SAMD4A: variants seen among roughly 807,000 people sequenced by gnomAD.
The protein encoded by SAMD4A is protein Smaug homolog 1.
Under a neutral mutation model 81.3 loss-of-function variants are expected in SAMD4A, and 33 were observed. The observed-to-expected ratio is 0.41, with a 90% CI of 0.31 to 0.54. SAMD4A has a LOEUF of 0.54. Among genes scored for constraint, SAMD4A ranks in the 20% least tolerant of loss-of-function variants. The pLI is 0.37. For missense variants in SAMD4A, 854 were observed against 951.1 expected (o/e 0.90, Z 1.34); for synonymous variants, 389 against 382.1 (o/e 1.02, Z -0.21).
intron 4 of SAMD4A, among the ~76,000 whole-genome samples, chr14:54,743,485 G>A (rs1468438947): frequency 2.0e-5 from 3 of 152,300 alleles, no homozygotes; most frequent in Admixed American, 1.3e-4. Context: ...TACCAAGCAT[G>A]TATTTTCCTC....
intron 2 of SAMD4A, among the ~76,000 whole-genome samples, chr14:54,639,189 G>C (rs2035107382): frequency 6.6e-6 from 1 of 152,166 alleles, no homozygotes; most frequent in Admixed American, 6.5e-5. Flanking sequence ...ACAGAGTTAT[G>C]TCAGAATCCA....
intron 4 of SAMD4A, among the ~76,000 whole-genome samples, chr14:54,742,526 C>A (rs1009751601): frequency 1.3e-5 from 2 of 152,180 alleles, no homozygotes; most frequent in Non-Finnish European, 2.9e-5. Context: ...AAGCCAAGTT[C>A]ATCTGAGGGA....
At position 54,704,076 on chromosome 14, in the gene SAMD4A, T is replaced by A. The variant is rs80134663; in HGVS notation, c.715+1496T>A. Reference sequence around the variant, plus strand: ...ATATTGCTACAACATGGGATTTTTTTAAATTCTTTTTTCTGCTTTTCCATT... The same window carrying A: ...ATATTGCTACAACATGGGATTTTTTAAAATTCTTTTTTCTGCTTTTCCATT... On this transcript the variant is annotated intron_variant, in intron 3 of 12. Transcript: ENST00000554335. Among the ~76,000 whole-genome samples the A allele has an allele frequency of 3.9e-3, 597 of 152,340 alleles. 1 individual carries two copies. Among genetic ancestry groups the A allele is most frequent in the Middle Eastern group, 0.01 (3 of 294 alleles).
chr14:54,660,136 G>A (rs1298335449), intron 2 of SAMD4A, among the ~76,000 whole-genome samples: 1 of 151,808 alleles, frequency 6.6e-6, no homozygotes. Context: ...TCAGGGGTTT[G>A]GTGTATCTAA....
At chr14:54,624,721 AGT>A (rs746828098) in intron 2 of SAMD4A, among the ~76,000 whole-genome samples, 3 of 152,242 alleles carry the variant, frequency 2.0e-5, no homozygotes, top group African/African-American at 2.4e-5. Context: ...TACTAAATTC[AGT>A]TGGTGAGCAC....
intron 3 of SAMD4A, among the ~76,000 whole-genome samples, chr14:54,721,167 A>C (rs943777143): frequency 2.0e-5 from 3 of 152,158 alleles, no homozygotes; most frequent in Non-Finnish European, 4.4e-5. Flanking sequence ...CTAGAATATA[A>C]ATTCTAAGAG....
At chr14:54,676,356 CTTTCCTTTCTTTTCTTT>C (rs1173328770) in intron 2 of SAMD4A, among the ~76,000 whole-genome samples, 1 of 152,006 alleles carries the variant, frequency 6.6e-6, no homozygotes, top group Non-Finnish European at 1.5e-5. Context: ...GCTTTTAGTA[CTTTCCTTTCTTTTCTTT>C]TTTCTTTTCT....
At position 54,630,908 on chromosome 14, in the gene SAMD4A, A is replaced by ATATGTG. The variant is rs1051037883; in HGVS notation, c.196+62797_196+62798insATGTGT. ...ACATATAATAAATCTTGTATTTTAT[A>ATATGTG]TGTGTGTGTGTGTGTGTGTGTGTGT... is the stretch of plus-strand genomic sequence containing the variant. On this transcript the variant is annotated intron_variant, in intron 2 of 12. Coordinates refer to ENST00000554335, the MANE Select transcript of SAMD4A (RefSeq NM_015589.6). 1.3e-3 allele frequency among the ~76,000 whole-genome samples: 183 copies of ATATGTG among 144,372 alleles called. 5 individuals carry two copies. The highest frequency in any genetic ancestry group is 3.5e-3 in the African/African-American group (135 of 38,418). The allele number at this position is 144,372 out of a possible 152,430, so 94.7% of individuals were successfully genotyped here. A position where few individuals can be genotyped will look rare whatever the true frequency, so the allele number is the denominator to read the frequency against.
intron 3 of SAMD4A, among the ~76,000 whole-genome samples, chr14:54,711,819 CA>C (rs1359292929): frequency 2.6e-5 from 4 of 151,970 alleles, no homozygotes; most frequent in African/African-American, 9.7e-5. Flanking sequence ...GAGTGAATCT[CA>C]GGGAAAGTGG....
At chr14:54,708,212 G>A (rs2036905537) in intron 3 of SAMD4A, among the ~76,000 whole-genome samples, 1 of 152,210 alleles carries the variant, frequency 6.6e-6, no homozygotes, top group Non-Finnish European at 1.5e-5. Flanking sequence ...GAACCAACAG[G>A]ATTTCCTGAC....
chr14:54,687,892 A>G lies in SAMD4A; in HGVS notation c.197-14170A>G, dbSNP rs2036318770. On this transcript the variant is annotated intron_variant, in intron 2 of 12. Transcript: ENST00000554335. ...TCAAATCAGGGCCACGTGTCCCTGA[A>G]TGGGGCTGGGCTGCTGTCCCTTCTC... 8.4e-6 allele frequency: 8 copies of G among 950,526 alleles called. No individual in the cohort carries two copies. In the South Asian group the frequency reaches 1.4e-4, roughly 17 times the overall value. 58.9% of individuals were successfully genotyped at this position (950,526 alleles called of 1,614,324 possible). A position where few individuals can be genotyped will look rare whatever the true frequency, so the allele number is the denominator to read the frequency against.
intron 2 of SAMD4A, among the ~76,000 whole-genome samples, chr14:54,625,559 G>C (rs2034724643): frequency 6.6e-6 from 1 of 152,190 alleles, no homozygotes; most frequent in Non-Finnish European, 1.5e-5. Context: ...TGATTCTTCA[G>C]ATCACCAGGT....
At chr14:54,749,783 A>G (rs1341368531) in intron 5 of SAMD4A, among the ~76,000 whole-genome samples, 2 of 152,234 alleles carry the variant, frequency 1.3e-5, no homozygotes, top group African/African-American at 2.4e-5. Flanking sequence ...CCTTTCAGCA[A>G]TGATTTAAAA....
rs11431 is a variant in SAMD4A, at chr14:54,788,955, C to T, written c.*11C>T. 890,500 of 1,613,194 alleles carry T rather than the reference C, an allele frequency of 0.55. 249,019 individuals are homozygous for T. Among genetic ancestry groups the T allele is most frequent in the African/African-American group, 0.71 (53,090 of 74,966 alleles). ...ACCTCCACCATCTAGAAGCTGAAGA[C>T]GAGAGTGACCGCGCTGGCCGTGAAA... is the stretch of plus-strand genomic sequence containing the variant. On this transcript the variant is annotated 3_prime_UTR_variant, in exon 13 of 13. Transcript: ENST00000554335.
chr14:54,747,415 C>T (rs1334502507), intron 4 of SAMD4A, among the ~76,000 whole-genome samples: 1 of 152,214 alleles, frequency 6.6e-6, no homozygotes, highest in African/African-American at 2.4e-5. Flanking sequence ...TTGGTTCACT[C>T]AGGAAGCAGG....
intron 2 of SAMD4A, among the ~76,000 whole-genome samples, chr14:54,696,187 A>G (rs957473155): frequency 1.3e-5 from 2 of 152,178 alleles, no homozygotes; most frequent in Non-Finnish European, 2.9e-5. Context: ...ACTCAAGTGC[A>G]GGTGCCAACA....
chr14:54,776,474 G>C lies in SAMD4A; in HGVS notation c.1978G>C (p.Val660Leu). Residue 660 changes from valine (V) to leucine (L), a missense_variant, in exon 11 of 13, where the codon GTC becomes CTC. This residue lies in a region of SAMD4A where 428 missense variants were observed against 471.2 expected (regional missense o/e 0.91). Coordinates refer to ENST00000554335, the MANE Select transcript of SAMD4A (RefSeq NM_015589.6). ...NSMPSRTHSS[V>L]QRTRSLPVHT... ...CATGCCAAGCCGCACCCACAGCTCAGTCCAGAGGACCCGCTCGCTGCCCGT... is the reference window on the plus strand; with the variant it reads ...CATGCCAAGCCGCACCCACAGCTCACTCCAGAGGACCCGCTCGCTGCCCGT... 2 of 1,596,584 alleles carry C rather than the reference G, an allele frequency of 1.3e-6. No individual in the cohort carries two copies. The highest frequency in any genetic ancestry group is 2.3e-5 in the South Asian group (2 of 88,214).
chr14:54,718,534 A>G (rs2037179021), intron 3 of SAMD4A, among the ~76,000 whole-genome samples: 1 of 152,122 alleles, frequency 6.6e-6, no homozygotes, highest in South Asian at 2.1e-4. Context: ...TTTTGCCTGC[A>G]GGCTAGTTTT....
At chr14:54,703,409 G>A (rs1244931921) in intron 3 of SAMD4A, 5 of 152,206 alleles carry the variant, frequency 3.3e-5, no homozygotes, top group Admixed American at 3.3e-4. Context: ...AAGTAGCGGT[G>A]TGGAAGTGCA....
Sources: allele counts gnomAD v4.1 joint callset (sites outside exome capture counted in the v4.1 genomes callset), GRCh38; gene constraint gnomAD v4.1.1; regional missense constraint gnomAD v4.1.1; transcripts MANE v1.5; gene names NCBI Gene and HGNC (gene_info 2026-07-23, HGNC 2026-07-21).